Variants in FOXP4 observed in about 807,000 individuals in gnomAD.
FOXP4 encodes forkhead box protein P4.
A neutral mutation model predicts 82.6 loss-of-function variants in FOXP4; 25 were observed. The observed-to-expected ratio is 0.30, with a 90% CI of 0.22 to 0.42. The LOEUF (loss-of-function observed/expected upper bound fraction) is 0.42, where lower values mean the gene tolerates loss of function less well. Ranked by LOEUF, FOXP4 falls within the 10% of genes least tolerant of loss-of-function variation. The pLI, the probability that FOXP4 is intolerant of heterozygous loss-of-function variation, is 1.00. For missense variants in FOXP4, 785 were observed against 900.9 expected, an observed-to-expected ratio of 0.87 and a Z score of 1.65; for synonymous variants, 415 against 388.2, an observed-to-expected ratio of 1.07 and a Z score of -0.81.
Position 41,600,183 on chromosome 6 carries a change from G to A in FOXP4, c.*1247G>A, listed in dbSNP as rs959366563. On this transcript the variant is annotated 3_prime_UTR_variant, in exon 17 of 17. Transcript: ENST00000307972. Reference sequence around the variant, plus strand: ...GCAGGGCCCTGCCCCCCTCCCTTCCGCTCCTGCCCAGCCTGGGGGAAGGAG... The same window carrying A: ...GCAGGGCCCTGCCCCCCTCCCTTCCACTCCTGCCCAGCCTGGGGGAAGGAG... 6.6e-6 allele frequency: 1 copy of A among 152,158 alleles called. No homozygotes were observed. Among genetic ancestry groups the A allele is most frequent in the African/African-American group, 2.4e-5 (1 of 41,266 alleles). The allele number at this position is 152,158 out of a possible 1,614,324, so 9.4% of individuals were successfully genotyped here. A position where few individuals can be genotyped will look rare whatever the true frequency, so the allele number is the denominator to read the frequency against.
At chr6:41,585,764 A>G (rs1333936858) in intron 5 of FOXP4, among the ~76,000 whole-genome samples, 1 of 151,826 alleles carries the variant, frequency 6.6e-6, no homozygotes, top group African/African-American at 2.4e-5. Flanking sequence ...ATGGGTGTAG[A>G]CAGGTGTGTA....
chr6:41,550,926 A>T (rs56143487), intron 1 of FOXP4, among the ~76,000 whole-genome samples: 14,256 of 152,284 alleles, frequency 0.094, 698 homozygotes, highest in Non-Finnish European at 0.1. Context: ...AGATTTTGGC[A>T]GCAAGTCTCA....
intron 14 of FOXP4, among the ~76,000 whole-genome samples, chr6:41,596,086 C>T (rs114279754): frequency 0.093 from 14,139 of 152,200 alleles, 692 homozygotes; most frequent in Non-Finnish European, 0.1. Flanking sequence ...TTGGTAGAGA[C>T]GGGGTTTCAC....
chr6:41,556,900 G>C (rs892275990), intron 1 of FOXP4, among the ~76,000 whole-genome samples: 1 of 152,200 alleles, frequency 6.6e-6, no homozygotes, highest in African/African-American at 2.4e-5. Context: ...TGAAGAGTGC[G>C]ATTTAATTGA....
At position 41,593,827 on chromosome 6, in the gene FOXP4, A is replaced by C. The variant is rs1193568690; in HGVS notation, c.1537-1043A>C. Among the ~76,000 whole-genome samples the C allele has an allele frequency of 3.9e-5, 6 of 152,316 alleles. No individual in the cohort carries two copies. Among genetic ancestry groups the C allele is most frequent in the African/African-American group, 1.4e-4 (6 of 41,562 alleles). On this transcript the variant is annotated intron_variant, in intron 13 of 16. Transcript: ENST00000307972. This position sits in a 1 kb window ranked among gnomAD's most constrained non-coding sequence, Gnocchi z 4.1. ...GGCAAGAGTTGGAAGGGAGAGAGGG[A>C]GAGGGATCTCCAGGGGCACGGGCTG...
chr6:41,571,396 G>A (rs1009371802), intron 2 of FOXP4, among the ~76,000 whole-genome samples: 1 of 152,228 alleles, frequency 6.6e-6, no homozygotes, highest in African/African-American at 2.4e-5. Context: ...TTGAAGGATC[G>A]CAGTTCCTCA....
At chr6:41,568,491 C>T (rs1024239176) in intron 2 of FOXP4, among the ~76,000 whole-genome samples, 5 of 152,192 alleles carry the variant, frequency 3.3e-5, no homozygotes, top group South Asian at 2.1e-4. Flanking sequence ...AGCGAGGCCT[C>T]GAGCATAGTG....
chr6:41,564,178 G>A (rs1764745838), intron 1 of FOXP4, among the ~76,000 whole-genome samples: 1 of 152,196 alleles, frequency 6.6e-6, no homozygotes, highest in South Asian at 2.1e-4. Context: ...ACCTTGTCAG[G>A]TGCAGTGGTT....
intron 2 of FOXP4, chr6:41,570,205 T>G: frequency 2.3e-6 from 1 of 428,518 alleles, no homozygotes; most frequent in Non-Finnish European, 5.0e-6. Flanking sequence ...TACTGTTTCC[T>G]GTCTGATCCC....
In FOXP4 at chr6:41,546,747, GGGGCGGCGCGGAAGGGCAGCCCCGGC is replaced by G. The variant is rs1763642743; in HGVS notation, c.-128_-103del. Reference sequence around the variant, plus strand: ...AGGACGCCCGGGAGCTGCGCGACGCGGGGCGGCGCGGAAGGGCAGCCCCGGCGGGCGGCGGCGGGCCCGGGCTGCGA... The same window carrying G: ...AGGACGCCCGGGAGCTGCGCGACGCGGGGCGGCGGCGGGCCCGGGCTGCGA... On this transcript the variant is annotated 5_prime_UTR_variant, in exon 1 of 17. Transcript: ENST00000307972. 1.4e-5 allele frequency: 2 copies of G among 146,726 alleles called. No homozygotes were observed. The highest frequency in any genetic ancestry group is 6.8e-5 in the Admixed American group (1 of 14,782). The allele number at this position is 146,726 out of a possible 1,614,324, so 9.1% of individuals were successfully genotyped here. A position where few individuals can be genotyped will look rare whatever the true frequency, so the allele number is the denominator to read the frequency against.
At chr6:41,582,549 G>T (rs1268295349) in intron 3 of FOXP4, among the ~76,000 whole-genome samples, 1 of 152,222 alleles carries the variant, frequency 6.6e-6, no homozygotes, top group East Asian at 1.9e-4. Context: ...GCCTCTCTTT[G>T]TTGGGCACCC....
intron 9 of FOXP4, among the ~76,000 whole-genome samples, chr6:41,589,081 G>C (rs1452020698): frequency 6.6e-6 from 1 of 152,236 alleles, no homozygotes; most frequent in Non-Finnish European, 1.5e-5. Context: ...AACCTTATGT[G>C]GTGGGTACCA....
intron 2 of FOXP4, among the ~76,000 whole-genome samples, chr6:41,577,735 C>G (rs976263425): frequency 1.3e-5 from 2 of 152,144 alleles, no homozygotes; most frequent in Non-Finnish European, 2.9e-5. Flanking sequence ...TTTGCTGTCC[C>G]CATTGAGTCC....
intron 1 of FOXP4, among the ~76,000 whole-genome samples, chr6:41,550,344 C>T (rs1054720444): frequency 3.3e-5 from 5 of 152,156 alleles, no homozygotes; most frequent in African/African-American, 1.2e-4. Context: ...TTGCACGGTG[C>T]CGGGTGCATG....
intron 13 of FOXP4, among the ~76,000 whole-genome samples, chr6:41,594,130 G>A (rs1008631799): frequency 3.9e-5 from 6 of 152,186 alleles, no homozygotes; most frequent in Non-Finnish European, 7.3e-5. Context: ...TCGCCCAAGC[G>A]TCCTACAAAC....
chr6:41,562,828 C>T (rs1313933436), intron 1 of FOXP4, among the ~76,000 whole-genome samples: 1 of 152,302 alleles, frequency 6.6e-6, no homozygotes, highest in Admixed American at 6.5e-5. Flanking sequence ...GTCTCCCCAT[C>T]CCCCTCATGT....
chr6:41,597,704 G>A (rs1040153214), intron 15 of FOXP4, 77 bp from the exon 16 acceptor site: 32 of 1,513,710 alleles, frequency 2.1e-5, no homozygotes, highest in South Asian at 8.5e-5. Flanking sequence ...TCTAGTGGGC[G>A]GGGAAGGCAC....
intron 5 of FOXP4, among the ~76,000 whole-genome samples, chr6:41,586,729 AGGGAGGC>A (rs1358995525): frequency 2.0e-5 from 3 of 152,080 alleles, no homozygotes; most frequent in Non-Finnish European, 2.9e-5. Flanking sequence ...CAGCGGAAGG[AGGGAGGC>A]GGGAGGAGGG....
chr6:41,566,360 C>T (rs548940849), intron 2 of FOXP4, among the ~76,000 whole-genome samples: 1 of 152,322 alleles, frequency 6.6e-6, no homozygotes, highest in Non-Finnish European at 1.5e-5. Flanking sequence ...GGGTGCTGTG[C>T]ACACAGGGGG....
Sources: gnomAD v4.1 joint callset for allele counts (sites outside exome capture counted in the v4.1 genomes callset) on GRCh38, gnomAD v4.1.1 for gene constraint, Gnocchi (gnomAD v3.1) non-coding constraint, MANE v1.5 for transcripts, NCBI Gene and HGNC (gene_info 2026-07-23, HGNC 2026-07-21) for gene names.